Variants in FGF2 observed in about 807,000 individuals in gnomAD.
The protein encoded by FGF2 is fibroblast growth factor 2, also known as basic fibroblast growth factor bFGF.
FGF2 carries 13 observed loss-of-function variants against 15.9 expected under a neutral mutation model. The ratio of observed to expected loss-of-function variants is 0.82; its 90% confidence interval spans 0.53 to 1.30. The LOEUF (loss-of-function observed/expected upper bound fraction) is 1.30. Ranked by LOEUF, FGF2 falls within the 50% of genes most tolerant of loss-of-function variation. FGF2 has a pLI of 0.00. For synonymous variants in FGF2, 90 were observed against 78.4 expected, an observed-to-expected ratio of 1.15 and a Z score of -0.78; for missense variants, 163 against 196.9, an observed-to-expected ratio of 0.83 and a Z score of 1.03.
At chr4:122,891,074 T>C (rs1012179762) in intron 2 of FGF2, among the ~76,000 whole-genome samples, 13 of 148,066 alleles carry the variant, frequency 8.8e-5, no homozygotes, top group South Asian at 2.2e-4. Flanking sequence ...GGAGTCTCGC[T>C]GTGTCTCCCA....
intron 1 of FGF2, among the ~76,000 whole-genome samples, chr4:122,864,574 G>A (rs943485184): frequency 2.2e-4 from 34 of 152,120 alleles, no homozygotes; most frequent in Non-Finnish European, 1.5e-5. Flanking sequence ...GTTGAACAAG[G>A]TTCACATATC....
intron 1 of FGF2, among the ~76,000 whole-genome samples, chr4:122,857,706 T>C (rs928693259): frequency 6.6e-6 from 1 of 152,206 alleles, no homozygotes; most frequent in Admixed American, 6.5e-5. Flanking sequence ...TAAGTTTGTA[T>C]GGATTGAAAT....
intron 2 of FGF2, among the ~76,000 whole-genome samples, chr4:122,891,129 C>T (rs111628214): frequency 0.035 from 5,242 of 150,774 alleles, 295 homozygotes; most frequent in African/African-American, 0.12. Context: ...CAAGCTCCGC[C>T]TCCCAGGTTC....
intron 1 of FGF2, among the ~76,000 whole-genome samples, chr4:122,862,162 C>T (rs1726485134): frequency 6.6e-6 from 1 of 152,160 alleles, no homozygotes. Context: ...AGCTGTTACC[C>T]ATAAATGTTA....
chr4:122,858,660 A>G (rs1038160771), intron 1 of FGF2, among the ~76,000 whole-genome samples: 1 of 152,130 alleles, frequency 6.6e-6, no homozygotes, highest in Non-Finnish European at 1.5e-5. Context: ...GTCCTCCCAA[A>G]GTGCTAGGGT....
At chr4:122,828,084 TTAC>T (rs1725685752) in intron 1 of FGF2, among the ~76,000 whole-genome samples, 1 of 152,210 alleles carries the variant, frequency 6.6e-6, no homozygotes, top group African/African-American at 2.4e-5. Flanking sequence ...GGCTAATATA[TTAC>T]TACCTTGCAG....
chr4:122,833,776 A>G (rs1434255034), intron 1 of FGF2, among the ~76,000 whole-genome samples: 7 of 152,198 alleles, frequency 4.6e-5, no homozygotes, highest in Non-Finnish European at 1.0e-4. Context: ...GTGTCTTGAC[A>G]TCTGTGTTTA....
intron 1 of FGF2, among the ~76,000 whole-genome samples, chr4:122,865,945 C>A (rs1726567932): frequency 6.6e-6 from 1 of 152,146 alleles, no homozygotes; most frequent in African/African-American, 2.4e-5. Context: ...TAGGTGTAAA[C>A]CTTCATGACC....
chr4:122,878,440 C>T (rs189423081), intron 2 of FGF2, among the ~76,000 whole-genome samples: 3 of 152,064 alleles, frequency 2.0e-5, no homozygotes, highest in Admixed American at 2.0e-4. Flanking sequence ...TCTAGAATTA[C>T]AAGTAATTAA....
At chr4:122,868,875 T>C (rs1726665204) in intron 1 of FGF2, among the ~76,000 whole-genome samples, 1 of 152,218 alleles carries the variant, frequency 6.6e-6, no homozygotes, top group Non-Finnish European at 1.5e-5. Flanking sequence ...TCAGTGATGT[T>C]GAGCTTTTTT....
intron 1 of FGF2, among the ~76,000 whole-genome samples, chr4:122,842,353 G>A (rs941314873): frequency 6.6e-6 from 1 of 152,160 alleles, no homozygotes; most frequent in African/African-American, 2.4e-5. Flanking sequence ...ATAGCATTTT[G>A]TCAGATTCTC....
intron 1 of FGF2, among the ~76,000 whole-genome samples, chr4:122,868,577 A>G (rs1178470353): frequency 6.6e-6 from 1 of 152,154 alleles, no homozygotes; most frequent in Non-Finnish European, 1.5e-5. Flanking sequence ...GCTGCAATAA[A>G]CACACATGTG....
intron 1 of FGF2, among the ~76,000 whole-genome samples, chr4:122,838,552 C>G (rs1725912029): frequency 6.6e-6 from 1 of 152,162 alleles, no homozygotes; most frequent in Admixed American, 6.5e-5. Context: ...ATTGTGCATT[C>G]TAGACTTCTT....
In FGF2 at chr4:122,897,949, A is replaced by G; in HGVS notation, c.*5553A>G. ...ACGTGATACATTCTGTATGAATGAA[A>G]CATTGGAGGGAAACATCTACTGAAT... On this transcript the variant is annotated 3_prime_UTR_variant, in exon 3 of 3. Coordinates refer to ENST00000644866, the MANE Select transcript of FGF2 (RefSeq NM_001361665.2). The G allele has an allele frequency of 3.0e-6, 1 of 335,040 alleles. No individual in the cohort carries two copies. The highest frequency in any genetic ancestry group is 5.4e-6 in the Non-Finnish European group (1 of 184,914). 20.8% of individuals were successfully genotyped at this position (335,040 alleles called of 1,614,324 possible). A position where few individuals can be genotyped will look rare whatever the true frequency, so the allele number is the denominator to read the frequency against.
At chr4:122,875,593 G>A (rs957188393) in intron 1 of FGF2, among the ~76,000 whole-genome samples, 1 of 152,116 alleles carries the variant, frequency 6.6e-6, no homozygotes, top group Admixed American at 6.5e-5. Context: ...TGGGTCACGA[G>A]GTCAGGAGAT....
At chr4:122,876,265 T>C in intron 1 of FGF2, 56 bp from the exon 2 acceptor site, 1 of 1,014,660 alleles carries the variant, frequency 9.9e-7, no homozygotes, top group Non-Finnish European at 1.6e-6. Flanking sequence ...GTAAATATTG[T>C]GAAGAAGGCT....
At chr4:122,871,781 C>CAAAAAAAAAAAAAAAAAAAAA (rs55677162) in intron 1 of FGF2, among the ~76,000 whole-genome samples, 1 of 94,312 alleles carries the variant, frequency 1.1e-5, no homozygotes, top group Non-Finnish European at 2.4e-5. Flanking sequence ...CATTGAAAGA[C>CAAAAAAAAAAAAAAAAAAAAA]AAAAAAAAAA....
intron 1 of FGF2, among the ~76,000 whole-genome samples, chr4:122,834,350 C>T (rs970930395): frequency 1.3e-5 from 2 of 152,218 alleles, no homozygotes; most frequent in African/African-American, 4.8e-5. Context: ...GTTTTTCATT[C>T]TTATTTTCTT....
chr4:122,856,024 C>G (rs1299636399), intron 1 of FGF2, among the ~76,000 whole-genome samples: 3 of 152,032 alleles, frequency 2.0e-5, no homozygotes, highest in African/African-American at 7.3e-5. Context: ...AGCCCACAGA[C>G]CATATGTGTC....
Sources: gnomAD v4.1 joint callset for allele counts (sites outside exome capture counted in the v4.1 genomes callset) on GRCh38, gnomAD v4.1.1 for gene constraint, MANE v1.5 for transcripts, NCBI Gene and HGNC (gene_info 2026-07-23, HGNC 2026-07-21) for gene names.